Variants in TCF7L2 observed in about 807,000 individuals in gnomAD.
The protein encoded by TCF7L2 is transcription factor 7-like 2.
Under a neutral mutation model 77.9 loss-of-function variants are expected in TCF7L2, and 23 were observed. The ratio of observed to expected loss-of-function variants is 0.30; its 90% CI spans 0.21 to 0.42. TCF7L2 has a LOEUF of 0.42. TCF7L2 is among the 10% of genes least tolerant of loss of function. The pLI is 1.00. For missense variants in TCF7L2, 654 were observed against 793.1 expected (o/e 0.82, Z 2.11); for synonymous variants, 413 against 340.2 (o/e 1.21, Z -2.36).
chr10:112,977,119 C>T (rs546014564), intron 4 of TCF7L2, among the ~76,000 whole-genome samples: 1 of 152,138 alleles, frequency 6.6e-6, no homozygotes, highest in Non-Finnish European at 1.5e-5. Context: ...GATGGATGAG[C>T]CTGCACAGAC....
intron 4 of TCF7L2, among the ~76,000 whole-genome samples, chr10:113,004,520 A>G (rs1026141780): frequency 1.1e-4 from 16 of 152,188 alleles, no homozygotes; most frequent in Non-Finnish European, 1.5e-4. Context: ...ATGAAATAAC[A>G]AATTTCTTTT....
At chr10:113,107,420 C>T (rs1418899962) in intron 5 of TCF7L2, among the ~76,000 whole-genome samples, 5 of 152,058 alleles carry the variant, frequency 3.3e-5, no homozygotes, top group East Asian at 3.9e-4. Flanking sequence ...GACTGATACC[C>T]AAGCCTTGAT....
intron 3 of TCF7L2, among the ~76,000 whole-genome samples, chr10:112,955,894 G>A (rs1166099073): frequency 6.6e-6 from 1 of 151,886 alleles, no homozygotes; most frequent in Non-Finnish European, 1.5e-5. Flanking sequence ...CAGAGGCTGT[G>A]CTTTTAAAGA....
At chr10:113,074,305 A>G (rs2058457070) in intron 5 of TCF7L2, among the ~76,000 whole-genome samples, 1 of 151,898 alleles carries the variant, frequency 6.6e-6, no homozygotes, top group Admixed American at 6.6e-5. Flanking sequence ...ACCAGCCCAC[A>G]CCCCTCTTCC....
intron 4 of TCF7L2, among the ~76,000 whole-genome samples, chr10:113,021,196 G>T (rs2048219228): frequency 6.6e-6 from 1 of 152,130 alleles, no homozygotes; most frequent in Non-Finnish European, 1.5e-5. Context: ...ACCTTGGGCG[G>T]GTTGCCTGAG....
intron 4 of TCF7L2, among the ~76,000 whole-genome samples, chr10:113,003,537 G>A (rs1038816119): frequency 6.6e-6 from 1 of 152,138 alleles, no homozygotes; most frequent in African/African-American, 2.4e-5. Flanking sequence ...TTCCCAGCCC[G>A]CATCATGTTA....
intron 8 of TCF7L2, among the ~76,000 whole-genome samples, chr10:113,148,816 T>C (rs1352186341): frequency 6.6e-6 from 1 of 152,194 alleles, no homozygotes; most frequent in African/African-American, 2.4e-5. Flanking sequence ...TTGCTGAACA[T>C]TTTTCAGATA....
In TCF7L2 at chr10:113,057,760, G is replaced by A. The variant is rs2055651889; in HGVS notation, c.552+17634G>A. ...ACTGAGGCTCAGAGGGAAGGGAGGT[G>A]GCTTTTCTCAGGTGGAAAGCCAGAC... On this transcript the variant is annotated intron_variant, in intron 5 of 13. Coordinates refer to ENST00000627217, the MANE Select transcript of TCF7L2 (RefSeq NM_001146274.2). Among the ~76,000 whole-genome samples the A allele has an allele frequency of 2.0e-5, 3 of 152,152 alleles. No individual in the cohort carries two copies. The South Asian group carries it at 6.2e-4, about 32-fold the overall frequency.
At position 113,163,267 on chromosome 10, in the gene TCF7L2, A is replaced by G. The variant is rs141831982; in HGVS notation, c.1392-2288A>G. ...AGCCAATCAGGGCTTCTAGCTTGCC[A>G]CACAAGGTTTCTAGTTTCATTTGAC... is the stretch of plus-strand genomic sequence containing the variant. On this transcript the variant is annotated intron_variant, in intron 13 of 13. Transcript: ENST00000627217. 4.1e-3 allele frequency among the ~76,000 whole-genome samples: 630 copies of G among 152,254 alleles called. 6 individuals carry two copies. The highest frequency in any genetic ancestry group is 0.015 in the African/African-American group (611 of 41,528).
rs866960970 is a variant in TCF7L2 at position 113,152,436 on chromosome 10, A to G, written c.1265A>G (p.Asn422Ser). The change falls in exon 11 of 14, where the codon AAC becomes AGC. Residue 422 changes from asparagine (N) to serine (S), a missense_variant. Physicochemically the swap from Asn to Ser is conservative, Grantham distance 46. Around this residue, in one of 6 missense-constraint regions of TCF7L2, gnomAD observed 31 missense variants for 116.1 expected, o/e 0.27. Transcript: ENST00000627217. The stretch of plus-strand genomic sequence containing the variant: ...TACCCCGGCTGGTCCGCGCGGGATA[A>G]CTATGTAGGTGGATCATTTTCGTTA... 1 of 1,612,852 alleles carries G rather than the reference A, an allele frequency of 6.2e-7. No individual in the cohort carries two copies. Among genetic ancestry groups the G allele is most frequent in the Middle Eastern group, 1.7e-4 (1 of 6,054 alleles).
intron 4 of TCF7L2, among the ~76,000 whole-genome samples, chr10:112,992,832 C>T (rs140164208): frequency 2.6e-5 from 4 of 151,648 alleles, no homozygotes; most frequent in Non-Finnish European, 5.9e-5. Context: ...GGCACGATCT[C>T]GGCTCACTGC....
chr10:113,046,900 A>G (rs2053561399), intron 5 of TCF7L2, among the ~76,000 whole-genome samples: 1 of 152,196 alleles, frequency 6.6e-6, no homozygotes, highest in Non-Finnish European at 1.5e-5. Context: ...TGTTTTTAAC[A>G]TACTTGAGCT....
At chr10:113,160,703 C>G (rs2137469134) in intron 13 of TCF7L2, 1 of 1,582,008 alleles carries the variant, frequency 6.3e-7, no homozygotes. Context: ...TATATTACCA[C>G]TGCGAGGCCT....
At chr10:113,117,468 A>G (rs143599943) in intron 5 of TCF7L2, among the ~76,000 whole-genome samples, 1 of 130,470 alleles carries the variant, frequency 7.7e-6, no homozygotes, top group African/African-American at 2.9e-5. Flanking sequence ...TTCTCCCCCC[A>G]ACAAATATAG....
intron 5 of TCF7L2, among the ~76,000 whole-genome samples, chr10:113,078,265 C>G (rs2058942005): frequency 6.6e-6 from 1 of 152,128 alleles, no homozygotes; most frequent in South Asian, 2.1e-4. Context: ...GCGGTCCACA[C>G]AGTTCAACAA....
chr10:113,062,762 C>T (rs1033036286), intron 5 of TCF7L2, among the ~76,000 whole-genome samples: 1 of 152,150 alleles, frequency 6.6e-6, no homozygotes, highest in African/African-American at 2.4e-5. Flanking sequence ...GGTCAGGGCT[C>T]TGTGGTCTAT....
intron 4 of TCF7L2, among the ~76,000 whole-genome samples, chr10:112,975,029 G>A (rs1006523264): frequency 6.7e-6 from 1 of 150,148 alleles, no homozygotes; most frequent in Non-Finnish European, 1.5e-5. Flanking sequence ...ATCCACTTCA[G>A]TTAAACAGAA....
intron 5 of TCF7L2, among the ~76,000 whole-genome samples, chr10:113,098,473 G>A (rs1485185254): frequency 1.3e-5 from 2 of 152,132 alleles, no homozygotes; most frequent in African/African-American, 2.4e-5. Flanking sequence ...TTGGGAGGCC[G>A]AGGCAGATGG....
In TCF7L2 at chr10:113,151,896, C is replaced by G. The variant is rs2070801957; in HGVS notation, c.1161+12C>G. 6.3e-7 allele frequency: 1 copy of G among 1,591,434 alleles called. No individual in the cohort carries two copies. The highest frequency in any genetic ancestry group is 2.2e-5 in the East Asian group (1 of 44,740). ...TCCTTGGGCGGAGGGTAGGTGACGC[C>G]CTTCTCAGGGAGAAGCGGGGGGCGG... On this transcript the variant is annotated intron_variant, in intron 10 of 13. Coordinates refer to ENST00000627217, the MANE Select transcript of TCF7L2 (RefSeq NM_001146274.2). The surrounding 1 kb of genome is among the most constrained non-coding windows in gnomAD (Gnocchi z 5.2).
Sources: gnomAD v4.1 joint callset for allele counts (sites outside exome capture counted in the v4.1 genomes callset) on GRCh38, gnomAD v4.1.1 for gene constraint, gnomAD v4.1.1 regional missense constraint, Gnocchi (gnomAD v3.1) non-coding constraint, MANE v1.5 for transcripts, NCBI Gene and HGNC (gene_info 2026-07-23, HGNC 2026-07-21) for gene names.